ZNF521: variants seen among roughly 807,000 people sequenced by gnomAD.
ZNF521 encodes LYST-interacting protein 3.
ZNF521 carries 14 observed loss-of-function variants against 105.5 expected under a neutral mutation model. The ratio of observed to expected loss-of-function variants is 0.13; its 90% CI spans 0.09 to 0.21. ZNF521 has a LOEUF of 0.21. Among genes scored for constraint, ZNF521 ranks in the 10% least tolerant of loss-of-function variants. The probability of loss-of-function intolerance (pLI) is 1.00; values close to 1 mark genes in which losing one functional copy is unlikely to be tolerated. For missense variants in ZNF521, 1,233 were observed against 1,629.7 expected (o/e 0.76, Z 4.19); for synonymous variants, 635 against 606.0 (o/e 1.05, Z -0.70).
At chr18:25,209,058 A>G (rs58084239) in intron 4 of ZNF521, among the ~76,000 whole-genome samples, 1,733 of 152,336 alleles carry the variant, frequency 0.011, 21 homozygotes, top group African/African-American at 0.039. Flanking sequence ...TCGACTTCTA[A>G]ATCATGGCGT....
intron 3 of ZNF521, among the ~76,000 whole-genome samples, chr18:25,231,291 A>C (rs1301766694): frequency 6.6e-6 from 1 of 152,182 alleles, no homozygotes; most frequent in Non-Finnish European, 1.5e-5. Flanking sequence ...AGTCTGCCTA[A>C]AAGGACGAAA....
chr18:25,316,486 C>G (rs879617704), intron 3 of ZNF521, among the ~76,000 whole-genome samples: 3 of 151,772 alleles, frequency 2.0e-5, no homozygotes, highest in Non-Finnish European at 4.4e-5. Flanking sequence ...CAGTGGGAAG[C>G]CAACACTGGA....
chr18:25,326,679 T>C (rs1913241819), intron 2 of ZNF521, among the ~76,000 whole-genome samples: 1 of 151,924 alleles, frequency 6.6e-6, no homozygotes, highest in East Asian at 1.9e-4. Context: ...ATAAATGAGG[T>C]TTTTCCTGGT....
chr18:25,344,224 C>CG (rs1568090497), intron 2 of ZNF521, among the ~76,000 whole-genome samples: 1 of 115,126 alleles, frequency 8.7e-6, no homozygotes, highest in African/African-American at 3.2e-5. Flanking sequence ...AAAAAAGCTG[C>CG]GATTCTACTT....
At chr18:25,329,417 A>G (rs1454955125) in intron 2 of ZNF521, among the ~76,000 whole-genome samples, 1 of 152,240 alleles carries the variant, frequency 6.6e-6, no homozygotes. Context: ...ATGGAGGGGC[A>G]TCTAAATCGG....
intron 7 of ZNF521, among the ~76,000 whole-genome samples, chr18:25,076,416 C>G (rs1416604163): frequency 6.6e-6 from 1 of 151,968 alleles, no homozygotes; most frequent in Non-Finnish European, 1.5e-5. Context: ...AAGTTGTCAC[C>G]AAAAATTGCA....
chr18:25,253,107 T>A (rs45626631), intron 3 of ZNF521, among the ~76,000 whole-genome samples: 1 of 152,182 alleles, frequency 6.6e-6, no homozygotes, highest in South Asian at 2.1e-4. Flanking sequence ...CTTGCTGACA[T>A]GCCATTTTAT....
At chr18:25,120,522 G>T (rs927306892) in intron 5 of ZNF521, among the ~76,000 whole-genome samples, 1 of 150,904 alleles carries the variant, frequency 6.6e-6, no homozygotes, top group Non-Finnish European at 1.5e-5. Context: ...AGCAGAGGTT[G>T]CATTGAGCTG....
intron 7 of ZNF521, among the ~76,000 whole-genome samples, chr18:25,064,248 G>C (rs900904755): frequency 6.6e-6 from 1 of 152,188 alleles, no homozygotes; most frequent in Non-Finnish European, 1.5e-5. Context: ...AAGATGGCAA[G>C]CAGTCTATTA....
At chr18:25,232,830 G>C (rs1400000454) in intron 3 of ZNF521, among the ~76,000 whole-genome samples, 1 of 152,116 alleles carries the variant, frequency 6.6e-6, no homozygotes, top group East Asian at 1.9e-4. Context: ...TCAAACAATA[G>C]GGTAAGACTT....
At chr18:25,181,460 G>A (rs1466241613) in intron 5 of ZNF521, among the ~76,000 whole-genome samples, 1 of 152,110 alleles carries the variant, frequency 6.6e-6, no homozygotes, top group Non-Finnish European at 1.5e-5. Flanking sequence ...ATTTAATCAC[G>A]TAAAAACATC....
chr18:25,225,562 T>G lies in ZNF521; in HGVS notation c.2356A>C (p.Ile786Leu). 6.2e-7 allele frequency: 1 copy of G among 1,614,196 alleles called. No individual in the cohort carries two copies. Among genetic ancestry groups the G allele is most frequent in the African/African-American group, 1.3e-5 (1 of 75,052 alleles). The change falls in exon 4 of 8, where the codon ATT becomes CTT. Residue 786 changes from isoleucine (I) to leucine (L), a missense_variant. This residue lies in a region of ZNF521 where 614 missense variants were observed against 751.5 expected (regional missense o/e 0.82). Transcript: ENST00000361524. The surrounding 1 kb of genome is among the most constrained non-coding windows in gnomAD (Gnocchi z 5.6). Reference sequence around the variant, plus strand: ...GTGCCAAAGGACTCACCGCAGAAAATGCACTTATGCACTTTCCCTTGGTTT... The same window carrying G: ...GTGCCAAAGGACTCACCGCAGAAAAGGCACTTATGCACTTTCCCTTGGTTT... Reference protein sequence around the residue: ...LENQGKVHKCIFCGESFGTEV... With the variant: ...LENQGKVHKCLFCGESFGTEV...
chr18:25,205,141 T>TTAA (rs36016652), intron 4 of ZNF521, among the ~76,000 whole-genome samples: 2 of 74,934 alleles, frequency 2.7e-5, no homozygotes, highest in Non-Finnish European at 4.7e-5. Flanking sequence ...GTAGTGAAGG[T>TTAA]AAAAAAAAAA....
chr18:25,089,525 T>C lies in ZNF521; in HGVS notation c.3846A>G (p.Glu1282=). 6.2e-7 allele frequency: 1 copy of C among 1,614,222 alleles called. No individual in the cohort carries two copies. The change falls in exon 7 of 8, where the codon GAA becomes GAG. Residue 1282 remains glutamate, a synonymous_variant. Transcript: ENST00000361524. ...QQHIFSAHGQ[E]DKIYDCTQCP... is the part of the protein sequence containing the mutation. ...ATTGTGTACAGTCATAGATCTTGTC[T>C]TCTTGTCCATGGGCAGAGAAAATAT...
At chr18:25,318,353 T>C (rs1912753292) in intron 3 of ZNF521, among the ~76,000 whole-genome samples, 1 of 152,168 alleles carries the variant, frequency 6.6e-6, no homozygotes, top group African/African-American at 2.4e-5. Flanking sequence ...GGGAACTTTC[T>C]GGGATGAAAG....
chr18:25,337,126 T>A (rs1423096423), intron 2 of ZNF521, among the ~76,000 whole-genome samples: 1 of 152,170 alleles, frequency 6.6e-6, no homozygotes, highest in African/African-American at 2.4e-5. Flanking sequence ...GCTAAGCACC[T>A]ACTATATTCC....
intron 5 of ZNF521, among the ~76,000 whole-genome samples, chr18:25,129,265 A>AATAATAATAATT (rs1289258621): frequency 6.5e-5 from 2 of 30,774 alleles, no homozygotes; most frequent in African/African-American, 1.1e-4. Flanking sequence ...TAATAATAAT[A>AATAATAATAATT]ATTATTATTA....
At chr18:25,157,210 TA>T (rs889421229) in intron 5 of ZNF521, among the ~76,000 whole-genome samples, 1 of 151,232 alleles carries the variant, frequency 6.6e-6, no homozygotes, top group African/African-American at 2.4e-5. Context: ...AAAATAAAAA[TA>T]AAAAAAAGCA....
chr18:25,178,107 C>T (rs1567996136), intron 5 of ZNF521, among the ~76,000 whole-genome samples: 1 of 152,156 alleles, frequency 6.6e-6, no homozygotes, highest in South Asian at 2.1e-4. Flanking sequence ...CATCATAAAT[C>T]GTATTGTCAA....
Sources: allele counts gnomAD v4.1 joint callset (sites outside exome capture counted in the v4.1 genomes callset), GRCh38; gene constraint gnomAD v4.1.1; regional missense constraint gnomAD v4.1.1; non-coding constraint Gnocchi (gnomAD v3.1); transcripts MANE v1.5; gene names NCBI Gene and HGNC (gene_info 2026-07-23, HGNC 2026-07-21).